Variants in CHCHD3 observed in about 807,000 individuals in gnomAD.
CHCHD3 encodes MICOS complex subunit MIC19.
In CHCHD3, 20 loss-of-function variants were observed where a neutral mutation model predicts 38.2. That is an observed-to-expected ratio of 0.52 (90% CI 0.37 to 0.76). CHCHD3 has a LOEUF of 0.76. CHCHD3 is among the 30% of genes least tolerant of loss of function. The pLI is 0.00. For missense variants in CHCHD3, 245 were observed against 279.2 expected (o/e 0.88, Z 0.87); for synonymous variants, 82 against 100.0 (o/e 0.82, Z 1.07).
At chr7:132,828,576 G>A (rs1807565364) in intron 6 of CHCHD3, among the ~76,000 whole-genome samples, 1 of 152,110 alleles carries the variant, frequency 6.6e-6, no homozygotes, top group African/African-American at 2.4e-5. Flanking sequence ...ACCATGAGGG[G>A]TGACTTGGTA....
intron 6 of CHCHD3, among the ~76,000 whole-genome samples, chr7:132,802,124 G>T (rs1281458731): frequency 6.6e-6 from 1 of 152,170 alleles, no homozygotes; most frequent in Non-Finnish European, 1.5e-5. Context: ...CAAAGTGTAA[G>T]GTGAGCAAAC....
intron 5 of CHCHD3, chr7:132,844,985 T>C (rs2117106037): frequency 6.6e-6 from 1 of 152,348 alleles, no homozygotes; most frequent in East Asian, 1.9e-4. Flanking sequence ...AATGCTCCAT[T>C]GTACATACTT....
At chr7:132,866,536 G>A (rs953778030) in intron 5 of CHCHD3, among the ~76,000 whole-genome samples, 3 of 152,178 alleles carry the variant, frequency 2.0e-5, no homozygotes, top group Non-Finnish European at 2.9e-5. Context: ...GTTTGGGATA[G>A]GCTTGAGGAA....
chr7:132,971,819 T>C (rs923302162), intron 4 of CHCHD3, among the ~76,000 whole-genome samples: 5 of 152,198 alleles, frequency 3.3e-5, no homozygotes, highest in Non-Finnish European at 7.4e-5. Flanking sequence ...TGCTTGGCCA[T>C]TACTCAAAGA....
chr7:133,048,685 CAATTGAAAACCT>C (rs989253991), intron 2 of CHCHD3, among the ~76,000 whole-genome samples: 2 of 152,120 alleles, frequency 1.3e-5, no homozygotes, highest in African/African-American at 4.8e-5. Context: ...CCCCCTAAAA[CAATTGAAAACCT>C]CTCAGATACA....
chr7:133,036,005 GTAATTAGAA>G (rs1195299013), intron 2 of CHCHD3: 1 of 876,484 alleles, frequency 1.1e-6, no homozygotes, highest in Admixed American at 2.0e-5. Flanking sequence ...AATGAAACTA[GTAATTAGAA>G]TACCAACTTA....
intron 2 of CHCHD3, among the ~76,000 whole-genome samples, chr7:133,063,697 A>C (rs1444392440): frequency 3.3e-5 from 5 of 152,226 alleles, no homozygotes; most frequent in Non-Finnish European, 5.9e-5. Flanking sequence ...ATCTTTACGA[A>C]TAAAAATGTT....
intron 4 of CHCHD3, among the ~76,000 whole-genome samples, chr7:132,963,660 T>G (rs1400837369): frequency 6.7e-6 from 1 of 148,848 alleles, no homozygotes; most frequent in Admixed American, 6.7e-5. Context: ...TTTCCTAGTG[T>G]CTCTACCTTT....
intron 5 of CHCHD3, among the ~76,000 whole-genome samples, chr7:132,841,360 T>C (rs1258025791): frequency 6.6e-6 from 1 of 150,878 alleles, no homozygotes; most frequent in Admixed American, 6.6e-5. Flanking sequence ...GAGATCTCCT[T>C]TGGCCTCAGA....
intron 5 of CHCHD3, among the ~76,000 whole-genome samples, chr7:132,853,200 C>A (rs1041308319): frequency 1.3e-5 from 2 of 152,150 alleles, no homozygotes; most frequent in African/African-American, 4.8e-5. Flanking sequence ...TGCAGAGTGA[C>A]AAGCAAAAGC....
At chr7:132,902,934 A>G (rs1401182066) in intron 4 of CHCHD3, among the ~76,000 whole-genome samples, 1 of 152,258 alleles carries the variant, frequency 6.6e-6, no homozygotes, top group Non-Finnish European at 1.5e-5. Context: ...CCCAAATTCT[A>G]GAAACTCCTG....
At chr7:132,928,047 T>C (rs1187583853) in intron 4 of CHCHD3, among the ~76,000 whole-genome samples, 1 of 152,104 alleles carries the variant, frequency 6.6e-6, no homozygotes, top group African/African-American at 2.4e-5. Flanking sequence ...GAGAGTCCAC[T>C]AAACCCCAGC....
chr7:133,018,946 C>T (rs911173439), intron 3 of CHCHD3, among the ~76,000 whole-genome samples: 2 of 130,428 alleles, frequency 1.5e-5, no homozygotes, highest in African/African-American at 5.8e-5. Flanking sequence ...TGCAGTGGCG[C>T]GATCTTGGCT....
At chr7:133,055,596 T>G (rs1390570745) in intron 2 of CHCHD3, among the ~76,000 whole-genome samples, 1 of 147,722 alleles carries the variant, frequency 6.8e-6, no homozygotes, top group Non-Finnish European at 1.5e-5. Context: ...TTGTGTTATA[T>G]ATCAAATTAT....
At chr7:133,009,301 T>C (rs1584639651) in intron 3 of CHCHD3, among the ~76,000 whole-genome samples, 1 of 143,946 alleles carries the variant, frequency 6.9e-6, no homozygotes, top group African/African-American at 2.6e-5. Context: ...GAGGCAGAGG[T>C]TGCAGTGAGC....
At chr7:132,818,013 T>C (rs1002510550) in intron 6 of CHCHD3, among the ~76,000 whole-genome samples, 10 of 152,162 alleles carry the variant, frequency 6.6e-5, no homozygotes, top group African/African-American at 2.2e-4. Flanking sequence ...GTGTATTATA[T>C]TGCTATGAGG....
At chr7:133,043,381 C>A (rs1167032600) in intron 2 of CHCHD3, among the ~76,000 whole-genome samples, 1 of 152,146 alleles carries the variant, frequency 6.6e-6, no homozygotes, top group African/African-American at 2.4e-5. Context: ...GTGGCTCACA[C>A]CTGTAATCCC....
chr7:133,033,283 T>C (rs1465165119), intron 2 of CHCHD3, among the ~76,000 whole-genome samples: 2 of 152,154 alleles, frequency 1.3e-5, no homozygotes, highest in African/African-American at 4.8e-5. Flanking sequence ...GCCAGGTAAA[T>C]AGGTTTTCAG....
intron 3 of CHCHD3, among the ~76,000 whole-genome samples, chr7:132,983,957 G>A (rs1489833937): frequency 3.2e-5 from 4 of 125,750 alleles, no homozygotes; most frequent in South Asian, 5.2e-4. Flanking sequence ...ACAACTTCTC[G>A]GAAAGGCTCC....
Sources: allele counts gnomAD v4.1 joint callset (sites outside exome capture counted in the v4.1 genomes callset), GRCh38; gene constraint gnomAD v4.1.1; transcripts MANE v1.5; gene names NCBI Gene and HGNC (gene_info 2026-07-23, HGNC 2026-07-21).